Variants in TMTC1 observed in about 807,000 individuals in gnomAD.
The protein encoded by TMTC1 is protein O-mannosyl-transferase TMTC1.
Under a neutral mutation model 104.8 loss-of-function variants are expected in TMTC1, and 73 were observed. The ratio of observed to expected loss-of-function variants is 0.70; its 90% confidence interval spans 0.58 to 0.85. The LOEUF is 0.85. Ranked by LOEUF, TMTC1 falls within the 40% of genes least tolerant of loss-of-function variation. The pLI is 0.00. For synonymous variants in TMTC1, 434 were observed against 428.7 expected, an observed-to-expected ratio of 1.01 and a Z score of -0.15; for missense variants, 1,035 against 1,096.1, an observed-to-expected ratio of 0.94 and a Z score of 0.79.
intron 5 of TMTC1, among the ~76,000 whole-genome samples, chr12:29,715,298 C>G (rs972898918): frequency 1.3e-5 from 2 of 152,064 alleles, no homozygotes; most frequent in African/African-American, 4.8e-5. Context: ...GAGATTTTTG[C>G]TATAACAAGA....
intron 9 of TMTC1, among the ~76,000 whole-genome samples, chr12:29,561,234 TAAG>T (rs1271755768): frequency 1.3e-5 from 2 of 152,100 alleles, no homozygotes; most frequent in Admixed American, 6.5e-5. Flanking sequence ...TCTTAAATGT[TAAG>T]AAGGCAGCCG....
chr12:29,719,242 T>A (rs1942168297), intron 5 of TMTC1, among the ~76,000 whole-genome samples: 1 of 152,214 alleles, frequency 6.6e-6, no homozygotes, highest in South Asian at 2.1e-4. Context: ...CTGGTTTTTA[T>A]CTTTAAGCTT....
intron 5 of TMTC1, among the ~76,000 whole-genome samples, chr12:29,749,642 A>G (rs1943040067): frequency 6.6e-6 from 1 of 152,092 alleles, no homozygotes; most frequent in African/African-American, 2.4e-5. Context: ...TCAGTGTTTT[A>G]ACCCTTTATT....
At chr12:29,557,215 T>A (rs1945268991) in intron 9 of TMTC1, among the ~76,000 whole-genome samples, 1 of 152,162 alleles carries the variant, frequency 6.6e-6, no homozygotes, top group African/African-American at 2.4e-5. Flanking sequence ...ATTAAATAAT[T>A]CTTAAATAGT....
chr12:29,527,367 T>C (rs1359387348), intron 11 of TMTC1, among the ~76,000 whole-genome samples: 1 of 152,214 alleles, frequency 6.6e-6, no homozygotes, highest in African/African-American at 2.4e-5. Flanking sequence ...ACACAATCCC[T>C]ACCTTCACCA....
intron 6 of TMTC1, chr12:29,609,861 T>G (rs999083990): frequency 6.6e-6 from 1 of 152,406 alleles, no homozygotes; most frequent in South Asian, 2.1e-4. Context: ...TTCACTGCTG[T>G]GTCTGCTTTC....
chr12:29,570,354 C>T (rs1289503802), intron 9 of TMTC1, among the ~76,000 whole-genome samples: 1 of 152,106 alleles, frequency 6.6e-6, no homozygotes, highest in Non-Finnish European at 1.5e-5. Context: ...CAGAGATAAG[C>T]ATTATGAACA....
rs200605964 is a variant in TMTC1, at chr12:29,550,933, C to CAA, written c.1676+5922_1676+5923dup. ...TGGGGGAGAGAGTGGGACTCCATCT[C>CAA]AAAAAAAAAAAAAAAAAAAAAAAAA... On this transcript the variant is annotated intron_variant, in intron 10 of 17. Transcript: ENST00000539277. Among the ~76,000 whole-genome samples, 12 of 108,330 alleles carry CAA rather than the reference C, an allele frequency of 1.1e-4. 2 individuals carry two copies. Among genetic ancestry groups the CAA allele is most frequent in the African/African-American group, 4.3e-4 (11 of 25,294 alleles). The allele number at this position is 108,330 out of a possible 152,430, so 71.1% of individuals were successfully genotyped here. A position where few individuals can be genotyped will look rare whatever the true frequency, so the allele number is the denominator to read the frequency against.
chr12:29,755,983 CA>C (rs2136985798), intron 3 of TMTC1, 98 bp from the exon 4 acceptor site: 1 of 1,235,240 alleles, frequency 8.1e-7, no homozygotes. Context: ...AATTTCATTG[CA>C]TTCTAAGTAA....
intron 9 of TMTC1, among the ~76,000 whole-genome samples, chr12:29,559,367 T>G (rs570228111): frequency 6.6e-6 from 1 of 152,296 alleles, no homozygotes; most frequent in Non-Finnish European, 1.5e-5. Flanking sequence ...TTATATTCAC[T>G]CATGACCCCA....
At chr12:29,753,648 C>T (rs189312687) in intron 4 of TMTC1, among the ~76,000 whole-genome samples, 1 of 152,360 alleles carries the variant, frequency 6.6e-6, no homozygotes, top group East Asian at 1.9e-4. Context: ...CCTCTGGTTC[C>T]TTCCTACCAC....
intron 6 of TMTC1, among the ~76,000 whole-genome samples, chr12:29,614,724 G>A (rs1161326434): frequency 6.6e-6 from 1 of 152,212 alleles, no homozygotes; most frequent in Non-Finnish European, 1.5e-5. Flanking sequence ...TGATCTATAT[G>A]AGGCTTGACA....
intron 6 of TMTC1, among the ~76,000 whole-genome samples, chr12:29,606,028 C>A (rs1253951750): frequency 6.6e-6 from 1 of 152,180 alleles, no homozygotes; most frequent in Admixed American, 6.6e-5. Flanking sequence ...CATGTTGCAG[C>A]AAAAGACATG....
intron 10 of TMTC1, among the ~76,000 whole-genome samples, chr12:29,542,498 T>A (rs1944829251): frequency 1.3e-5 from 2 of 152,156 alleles, no homozygotes; most frequent in South Asian, 4.1e-4. Flanking sequence ...TATTTTGTCT[T>A]TACTTCTCTC....
chr12:29,659,293 T>C (rs1455123751), intron 5 of TMTC1, among the ~76,000 whole-genome samples: 2 of 152,174 alleles, frequency 1.3e-5, no homozygotes, highest in Non-Finnish European at 2.9e-5. Context: ...TAATCTCCAG[T>C]GTGGTAGTGT....
chr12:29,694,582 G>T (rs1941360754), intron 5 of TMTC1, among the ~76,000 whole-genome samples: 1 of 151,308 alleles, frequency 6.6e-6, no homozygotes, highest in Non-Finnish European at 1.5e-5. Flanking sequence ...GGATATGGAA[G>T]GCTGGCTGCA....
intron 17 of TMTC1, among the ~76,000 whole-genome samples, chr12:29,509,291 C>T (rs186302292): frequency 3.5e-4 from 53 of 152,348 alleles, no homozygotes; most frequent in African/African-American, 1.3e-3. Flanking sequence ...TTGGTCCACT[C>T]ACTTCATCTT....
At chr12:29,665,455 T>C (rs1591891898) in intron 5 of TMTC1, among the ~76,000 whole-genome samples, 1 of 152,264 alleles carries the variant, frequency 6.6e-6, no homozygotes, top group African/African-American at 2.4e-5. Flanking sequence ...CAAATAAAGG[T>C]CAAGTTTACC....
chr12:29,782,694 G>A (rs977378161), intron 1 of TMTC1: 1 of 152,044 alleles, frequency 6.6e-6, no homozygotes, highest in African/African-American at 2.4e-5. Context: ...CATATTCTCG[G>A]TTCCCTTTAC....
Sources: allele counts gnomAD v4.1 joint callset (sites outside exome capture counted in the v4.1 genomes callset), GRCh38; gene constraint gnomAD v4.1.1; transcripts MANE v1.5; gene names NCBI Gene and HGNC (gene_info 2026-07-23, HGNC 2026-07-21).